The following HAMP variants were observed in gnomAD, a reference collection of about 807,000 sequenced individuals.
HAMP encodes the protein hepcidin.
In HAMP, 5 loss-of-function variants were observed where a neutral mutation model predicts 7.8. The observed-to-expected ratio is 0.64, with a 90% confidence interval of 0.33 to 1.34. The LOEUF (loss-of-function observed/expected upper bound fraction) is 1.34. Ranked by LOEUF, HAMP falls within the 40% of genes most tolerant of loss-of-function variation. The pLI is 0.05. For missense variants in HAMP, 105 were observed against 104.1 expected, an observed-to-expected ratio of 1.01 and a Z score of -0.04; for synonymous variants, 52 against 38.6, an observed-to-expected ratio of 1.35 and a Z score of -1.28.
rs760383487 is a variant in HAMP at position 35,282,616 on chromosome 19, G to GCTC, written c.52_54dup (p.Leu18dup). ...CCCAGATCTGGGCCGCTTGCCTCCT[G>GCTC]CTCCTCCTCCTCCTCGCCAGCCTGA... On this transcript the variant is annotated inframe_insertion, in exon 1 of 3. Coordinates refer to ENST00000222304, the MANE Select transcript of HAMP (RefSeq NM_021175.4). 12 of 1,613,648 alleles carry GCTC rather than the reference G, an allele frequency of 7.4e-6. No homozygotes were observed. The highest frequency in any genetic ancestry group is 3.3e-5 in the Admixed American group (2 of 60,016).
chr19:35,282,602 G>A lies in HAMP; in HGVS notation c.25G>A (p.Ala9Thr). 6.2e-7 allele frequency: 1 copy of A among 1,614,124 alleles called. No individual in the cohort carries two copies. The highest frequency in any genetic ancestry group is 8.5e-7 in the Non-Finnish European group (1 of 1,179,996). Residue 9 changes from alanine to threonine, a missense_variant, in exon 1 of 3, where the codon GCC (alanine) becomes ACC (threonine). Physicochemically the swap from Ala to Thr is moderately conservative, Grantham distance 58. Coordinates refer to ENST00000222304, the MANE Select transcript of HAMP (RefSeq NM_021175.4). The stretch of plus-strand genomic sequence containing the variant: ...GATGGCACTGAGCTCCCAGATCTGG[G>A]CCGCTTGCCTCCTGCTCCTCCTCCT... MALSSQIW[A>T]ACLLLLLLLA...
chr19:35,284,891 C>G (rs1195635415), intron 2 of HAMP, 43 bp downstream of exon 2: 2 of 1,605,498 alleles, frequency 1.2e-6, no homozygotes, highest in Non-Finnish European at 1.7e-6. Flanking sequence ...CTGCTCCCTC[C>G]CCATGCTAAG....
chr19:35,282,705 A>C (rs1430861998), intron 1 of HAMP, 38 bp downstream of exon 1: 1 of 1,494,142 alleles, frequency 6.7e-7, no homozygotes, highest in African/African-American at 1.4e-5. Flanking sequence ...GCAGGGCAGC[A>C]GGGATGGGAG....
chr19:35,284,478 G>A, intron 1 of HAMP: 1 of 512,420 alleles, frequency 2.0e-6, no homozygotes, highest in Non-Finnish European at 3.5e-6. Flanking sequence ...CTGCTGTGTG[G>A]CAAATGGATT....
rs2066320882 is a variant in HAMP, at chr19:35,285,079, A to G, written c.*37A>G. 1 of 1,289,258 alleles carries G rather than the reference A, an allele frequency of 7.8e-7. No individual in the cohort carries two copies. The highest frequency in any genetic ancestry group is 1.5e-5 in the African/African-American group (1 of 68,682). 79.9% of individuals were successfully genotyped at this position (1,289,258 alleles called of 1,614,324 possible). A position where few individuals can be genotyped will look rare whatever the true frequency, so the allele number is the denominator to read the frequency against. On this transcript the variant is annotated 3_prime_UTR_variant, in exon 3 of 3. Transcript: ENST00000222304. Reference sequence around the variant, plus strand: ...CCTGCCCCCGTCCCCTCCCTTCCTTATTTATTCCTGCTGCCCCAGAACATA... The same window carrying G: ...CCTGCCCCCGTCCCCTCCCTTCCTTGTTTATTCCTGCTGCCCCAGAACATA...
intron 1 of HAMP, 23 bp downstream of exon 1, chr19:35,282,690 C>T (rs754591572): frequency 3.8e-6 from 6 of 1,573,888 alleles, no homozygotes; most frequent in Middle Eastern, 3.3e-4. Context: ...TGGCCTGGGT[C>T]CTTAGCAGGG....
rs1340598836 is a variant in HAMP, at chr19:35,284,803, A to G, written c.105A>G (p.Ala35=). The G allele has an allele frequency of 6.2e-7, 1 of 1,613,686 alleles. No homozygotes were observed. The highest frequency in any genetic ancestry group is 2.2e-5 in the East Asian group (1 of 44,884). Residue 35 remains alanine (A), a synonymous_variant, in exon 2 of 3, where the codon GCA becomes GCG. Transcript: ENST00000222304. ...SVFPQQTGQL[A]ELQPQDRAGA... ...TGCTTTCACAGACGGGACAACTTGC[A>G]GAGCTGCAACCCCAGGACAGAGCTG... is the stretch of plus-strand genomic sequence containing the variant.
At chr19:35,283,028 A>G (rs953931049) in intron 1 of HAMP, 2 of 330,580 alleles carry the variant, frequency 6.0e-6, no homozygotes, top group South Asian at 2.5e-5. Flanking sequence ...GAGGTTGCAC[A>G]GTGAGCTGAG....
intron 1 of HAMP, chr19:35,284,585 A>G: frequency 1.7e-6 from 1 of 601,226 alleles, no homozygotes; most frequent in Non-Finnish European, 2.9e-6. Flanking sequence ...CTGTGGAAAG[A>G]GGAGGAGGCG....
intron 1 of HAMP, chr19:35,283,781 G>C (rs2066313932): frequency 6.6e-6 from 1 of 150,508 alleles, no homozygotes; most frequent in Admixed American, 6.6e-5. Flanking sequence ...GGAATAAAGA[G>C]GAAGCCCCCA....
At chr19:35,284,751 C>T (rs776298902) in intron 1 of HAMP, 38 bp from the exon 2 acceptor site, 1 of 1,541,236 alleles carries the variant, frequency 6.5e-7, no homozygotes, top group Non-Finnish European at 9.0e-7. Context: ...GTCCACTGGG[C>T]CCCCTGCCAT....
chr19:35,282,918 C>G (rs186111708), intron 1 of HAMP: 35 of 460,890 alleles, frequency 7.6e-5, no homozygotes, highest in South Asian at 5.9e-4. Context: ...AACCCCGTCT[C>G]TACTAAAAAT....
At chr19:35,284,665 C>A in intron 1 of HAMP, 124 bp from the exon 2 acceptor site, 1 of 738,594 alleles carries the variant, frequency 1.4e-6, no homozygotes, top group South Asian at 1.5e-5. Context: ...AAAGCAAGGC[C>A]CCTCCTAAGA....
intron 1 of HAMP, 63 bp from the exon 2 acceptor site, chr19:35,284,726 G>A (rs1043451501): frequency 6.3e-6 from 8 of 1,275,648 alleles, no homozygotes; most frequent in South Asian, 2.4e-5. Context: ...AGGTTGCCGG[G>A]AGCCAGTCTC....
At chr19:35,284,417 C>T in intron 1 of HAMP, 1 of 352,178 alleles carries the variant, frequency 2.8e-6, no homozygotes, top group Non-Finnish European at 5.4e-6. Flanking sequence ...TGCACTCTGG[C>T]CTGGGCAACA....
chr19:35,282,928 T>TA (rs2066310494), intron 1 of HAMP: 1 of 433,730 alleles, frequency 2.3e-6, no homozygotes, highest in Non-Finnish European at 4.3e-6. Flanking sequence ...CTACTAAAAA[T>TA]ACAAAAGTTA....
At chr19:35,282,837 CA>C in intron 1 of HAMP, 170 bp downstream of exon 1, 1 of 642,812 alleles carries the variant, frequency 1.6e-6, no homozygotes, top group Admixed American at 2.3e-5. Context: ...CCTGTAATCC[CA>C]GCACTTTGGG....
intron 1 of HAMP, chr19:35,282,974 A>G (rs1411255558): frequency 5.5e-6 from 2 of 364,108 alleles, no homozygotes; most frequent in Non-Finnish European, 5.4e-6. Flanking sequence ...AATCCCAGCT[A>G]CTCGGGAGAC....
At chr19:35,282,696 C>T (rs1284338296) in intron 1 of HAMP, 29 bp downstream of exon 1, 6 of 1,534,274 alleles carry the variant, frequency 3.9e-6, no homozygotes, top group Non-Finnish European at 5.4e-6. Flanking sequence ...GGGTCCTTAG[C>T]AGGGCAGCAG....
Sources: allele counts gnomAD v4.1 joint callset, GRCh38; gene constraint gnomAD v4.1.1; transcripts MANE v1.5; gene names NCBI Gene and HGNC (gene_info 2026-07-23, HGNC 2026-07-21).